COA1: variants seen among roughly 807,000 people sequenced by gnomAD.
COA1 encodes cytochrome c oxidase assembly factor 1 homolog.
A neutral mutation model predicts 16.0 loss-of-function variants in COA1; 13 were observed. That is an observed-to-expected ratio of 0.81 (90% confidence interval 0.53 to 1.29). The LOEUF is 1.29. Ranked by LOEUF, COA1 falls within the 50% of genes most tolerant of loss-of-function variation. COA1 has a pLI of 0.00. For synonymous variants in COA1, 65 were observed against 65.7 expected (o/e 0.99, Z 0.05); for missense variants, 179 against 177.0 (o/e 1.01, Z -0.06).
rs1476796179 is a variant in COA1 at position 43,648,780 on chromosome 7, A to G, written c.-38-128T>C. ...GAACAAGAAGTTAAAATTAAACTCT[A>G]AAACAAGCCTTGTCTGTGAAAGGCC... On this transcript the variant is annotated intron_variant, in intron 1 of 5. Coordinates refer to ENST00000223336, the MANE Select transcript of COA1 (RefSeq NM_018224.4). The G allele has an allele frequency of 1.6e-5, 11 of 679,158 alleles. No homozygotes were observed. The East Asian group carries it at 2.2e-4, about 13-fold the overall frequency. The allele number at this position is 679,158 out of a possible 1,614,324, so 42.1% of individuals were successfully genotyped here.
chr7:43,715,784 C>T (rs1251833068), intron 1 of COA1, among the ~76,000 whole-genome samples: 1 of 152,156 alleles, frequency 6.6e-6, no homozygotes, highest in Non-Finnish European at 1.5e-5. Flanking sequence ...CCTGATATGA[C>T]TTGGCTCTGT....
chr7:43,649,526 T>G (rs968060175), intron 1 of COA1: 2 of 152,374 alleles, frequency 1.3e-5, no homozygotes, highest in Middle Eastern at 3.4e-3. Context: ...CATTCCTTCT[T>G]TTGTTTAGCA....
intron 6 of COA1, among the ~76,000 whole-genome samples, chr7:43,617,362 A>G (rs1174935904): frequency 6.6e-6 from 1 of 152,246 alleles, no homozygotes; most frequent in Admixed American, 6.5e-5. Flanking sequence ...TGAAGAGGCC[A>G]TTGCAATAGA....
intron 1 of COA1, among the ~76,000 whole-genome samples, chr7:43,710,560 G>C (rs1029948289): frequency 1.3e-5 from 2 of 151,644 alleles, no homozygotes; most frequent in Admixed American, 1.3e-4. Flanking sequence ...ATGATTCCCA[G>C]ATGTCTGGCT....
intron 1 of COA1, among the ~76,000 whole-genome samples, chr7:43,719,105 G>A (rs1051959311): frequency 2.6e-5 from 4 of 151,872 alleles, no homozygotes; most frequent in African/African-American, 9.7e-5. Flanking sequence ...CCAAGTAGCT[G>A]GGATTACATG....
At chr7:43,699,232 T>C (rs570819161) in intron 1 of COA1, among the ~76,000 whole-genome samples, 60 of 152,148 alleles carry the variant, frequency 3.9e-4, no homozygotes, top group African/African-American at 1.4e-3. Flanking sequence ...AAAACACATA[T>C]ACCCCTCAGT....
At chr7:43,652,586 G>C (rs548756362) in intron 1 of COA1, among the ~76,000 whole-genome samples, 12 of 152,324 alleles carry the variant, frequency 7.9e-5, no homozygotes, top group Admixed American at 7.8e-4. Flanking sequence ...ATGGATTTCA[G>C]AAGAATCAGC....
At chr7:43,701,397 A>C (rs2094732314) in intron 1 of COA1, among the ~76,000 whole-genome samples, 1 of 152,206 alleles carries the variant, frequency 6.6e-6, no homozygotes, top group South Asian at 2.1e-4. Flanking sequence ...TAATTTGCTT[A>C]GGATAATGGC....
chr7:43,617,711 A>G (rs2083476371), intron 6 of COA1, among the ~76,000 whole-genome samples: 1 of 152,196 alleles, frequency 6.6e-6, no homozygotes, highest in Admixed American at 6.5e-5. Context: ...AGAGAAAAAC[A>G]TTGTGAGTCT....
chr7:43,707,858 C>T (rs1310677656), intron 1 of COA1, among the ~76,000 whole-genome samples: 1 of 152,186 alleles, frequency 6.6e-6, no homozygotes, highest in Non-Finnish European at 1.5e-5. Context: ...CGCACACATG[C>T]CCACCATTTC....
intron 1 of COA1, among the ~76,000 whole-genome samples, chr7:43,670,118 A>G (rs2093163996): frequency 1.3e-5 from 2 of 152,198 alleles, no homozygotes; most frequent in African/African-American, 4.8e-5. Flanking sequence ...AATAACATGG[A>G]TATTTTAAAG....
At chr7:43,725,184 G>A (rs1302189317) in intron 1 of COA1, among the ~76,000 whole-genome samples, 1 of 151,780 alleles carries the variant, frequency 6.6e-6, no homozygotes, top group Non-Finnish European at 1.5e-5. Context: ...GTTGCGGTAA[G>A]CTGAGAACAC....
intron 1 of COA1, among the ~76,000 whole-genome samples, chr7:43,683,045 A>T (rs1467802791): frequency 6.6e-6 from 1 of 151,984 alleles, no homozygotes; most frequent in African/African-American, 2.4e-5. Flanking sequence ...TTTAGTAGAG[A>T]TGGGGTTTCA....
intron 1 of COA1, among the ~76,000 whole-genome samples, chr7:43,666,384 C>G (rs1381958318): frequency 1.3e-5 from 2 of 152,174 alleles, no homozygotes; most frequent in Admixed American, 6.5e-5. Flanking sequence ...GCTACCTGGC[C>G]TTGTTTCTCT....
At chr7:43,693,784 T>C (rs906304287) in intron 1 of COA1, among the ~76,000 whole-genome samples, 1 of 152,046 alleles carries the variant, frequency 6.6e-6, no homozygotes, top group African/African-American at 2.4e-5. Context: ...GGATAAATCC[T>C]ACTCTCTACC....
intron 4 of COA1, among the ~76,000 whole-genome samples, chr7:43,644,786 G>A (rs1014133379): frequency 0.14 from 6,096 of 43,786 alleles, 357 homozygotes; most frequent in South Asian, 0.2. Context: ...AGGCAGGCAG[G>A]CAGGCAGAGA....
chr7:43,638,566 C>CTTTTTTTTTTTTTT (rs746584234), downstream of COA1, among the ~76,000 whole-genome samples: 20 of 97,418 alleles, frequency 2.1e-4, no homozygotes, highest in East Asian at 5.1e-4. Context: ...TTTTTCTTTC[C>CTTTTTTTTTTTTTT]TTTTTTTTTT....
chr7:43,691,400 GAAGGAAGGAAGGAAGAAAGAAAAAGA>G (rs2094334891), intron 1 of COA1, among the ~76,000 whole-genome samples: 1 of 109,176 alleles, frequency 9.2e-6, no homozygotes, highest in African/African-American at 3.7e-5. Flanking sequence ...AGGAAGGAAG[GAAGGAAGGAAGGAAGAAAGAAAAAGA>G]AAGAAAGAAA....
intron 6 of COA1, chr7:43,626,233 G>A (rs1462518488): frequency 6.6e-6 from 1 of 152,104 alleles, no homozygotes; most frequent in Non-Finnish European, 1.5e-5. Context: ...CCCTAACATG[G>A]TTTCTCAACT....
Sources: gnomAD v4.1 joint callset for allele counts (sites outside exome capture counted in the v4.1 genomes callset) on GRCh38, gnomAD v4.1.1 for gene constraint, MANE v1.5 for transcripts, NCBI Gene and HGNC (gene_info 2026-07-23, HGNC 2026-07-21) for gene names.